Variants in RNPS1 observed in about 807,000 individuals in gnomAD.
The protein encoded by RNPS1 is RNA-binding protein with serine-rich domain 1.
For synonymous variants in RNPS1, 147 were observed against 150.0 expected, an observed-to-expected ratio of 0.98 and a Z score of 0.15; for missense variants, 300 against 427.6, an observed-to-expected ratio of 0.70 and a Z score of 2.63.
At chr16:2,266,600 G>T (rs954188439) in intron 1 of RNPS1, 3 of 985,118 alleles carry the variant, frequency 3.0e-6, no homozygotes, top group Admixed American at 1.2e-4. Flanking sequence ...GTATCTCCAC[G>T]TCCGGAGGCT....
intron 6 of RNPS1, among the ~76,000 whole-genome samples, chr16:2,259,123 C>A (rs374592887): frequency 2.7e-3 from 309 of 113,352 alleles, no homozygotes; most frequent in African/African-American, 2.6e-3. Context: ...AAAAAAGTCT[C>A]AAAAAAAAAA....
rs2093564615 is a variant in RNPS1 at position 2,254,015 on chromosome 16, G to A, written c.867C>T (p.Ser289=). The A allele has an allele frequency of 2.6e-6, 4 of 1,527,110 alleles. No individual in the cohort carries two copies. The highest frequency in any genetic ancestry group is 1.4e-5 in the African/African-American group (1 of 72,256). 94.6% of individuals were successfully genotyped at this position (1,527,110 alleles called of 1,614,324 possible). A position where few individuals can be genotyped will look rare whatever the true frequency, so the allele number is the denominator to read the frequency against. The change falls in exon 8 of 8, where the codon TCC becomes TCT. Residue 289 remains serine, a synonymous_variant. Transcript: ENST00000320225. ...GGCTCCTGTGGCGGCGGCGGCCCGG[G>A]GACCGTGATCTCCGGCGCACGGGGG... The part of the protein sequence containing the change: ...RRSPVRRRSR[S]PGRRRHRSRS...
At chr16:2,264,506 C>A (rs763073848) in intron 2 of RNPS1, 67 bp downstream of exon 2, 745 of 1,560,686 alleles carry the variant, frequency 4.8e-4, no homozygotes, top group Non-Finnish European at 6.3e-4. Flanking sequence ...TCAACTTTCC[C>A]CTTTCTGCGG....
In RNPS1 at chr16:2,255,831, T is replaced by C. The variant is rs112849314; in HGVS notation, c.677-105A>G. 2.9e-4 allele frequency: 381 copies of C among 1,300,102 alleles called. 4 individuals are homozygous for C. In the African/African-American group the frequency reaches 4.6e-3, roughly 16 times the overall value. The allele number at this position is 1,300,102 out of a possible 1,614,324, so 80.5% of individuals were successfully genotyped here. ...CTGGGGGGACAATGACAATGTAAGA[T>C]AATCACAGAAACAGGGCCGGGCATG... On this transcript the variant is annotated intron_variant, in intron 6 of 7. Coordinates refer to ENST00000320225, the MANE Select transcript of RNPS1 (RefSeq NM_080594.4).
chr16:2,262,791 A>C lies in RNPS1; in HGVS notation c.471T>G (p.Ser157=). ...CAATGTGCACTTTGGTGGGCTTAGG[A>C]GATGGGCTCCGCCTTTTCCTCTCCT... The part of the protein sequence containing the change: ...DEKERKRRSP[S]PKPTKVHIGR... The change falls in exon 5 of 8, where the codon TCT becomes TCG. Residue 157 remains serine, a synonymous_variant. Transcript: ENST00000320225. 1 of 1,613,752 alleles carries C rather than the reference A, an allele frequency of 6.2e-7. No individual in the cohort carries two copies.
chr16:2,254,161 G>C lies in RNPS1; in HGVS notation c.819-98C>G, dbSNP rs561538696. The C allele has an allele frequency of 4.5e-5, 39 of 871,762 alleles. 1 individual carries two copies. Among genetic ancestry groups the C allele is most frequent in the Middle Eastern group, 4.5e-4 (2 of 4,408 alleles). The allele number at this position is 871,762 out of a possible 1,614,324, so 54.0% of individuals were successfully genotyped here. On this transcript the variant is annotated intron_variant, in intron 7 of 7. Coordinates refer to ENST00000320225, the MANE Select transcript of RNPS1 (RefSeq NM_080594.4). ...CCCCATAGTTTTACTTTTTGAGATG[G>C]AATATCACTCTGTCTCCAGGCCAGA...
At chr16:2,259,642 C>A (rs952440529) in intron 6 of RNPS1, among the ~76,000 whole-genome samples, 1 of 152,210 alleles carries the variant, frequency 6.6e-6, no homozygotes, top group Admixed American at 6.5e-5. Flanking sequence ...GTAATCCCAG[C>A]ACTTTGGGAG....
intron 6 of RNPS1, among the ~76,000 whole-genome samples, chr16:2,261,657 A>T (rs1684129781): frequency 6.6e-6 from 1 of 152,252 alleles, no homozygotes; most frequent in South Asian, 2.1e-4. Context: ...AGGCTGGGAT[A>T]TAAGAAAAGC....
Position 2,253,619 on chromosome 16 carries a change from G to A in RNPS1, c.*345C>T, listed in dbSNP as rs999146327. The A allele has an allele frequency of 1.2e-5, 5 of 424,890 alleles. No homozygotes were observed. The highest frequency in any genetic ancestry group is 1.7e-5 in the Non-Finnish European group (4 of 229,098). 26.3% of individuals were successfully genotyped at this position (424,890 alleles called of 1,614,324 possible). ...AGGGCACGGCCTGGCCACCATCCCA[G>A]GTCATCGGGGAAGGGAAAAGTGTGC... On this transcript the variant is annotated 3_prime_UTR_variant, in exon 8 of 8. Coordinates refer to ENST00000320225, the MANE Select transcript of RNPS1 (RefSeq NM_080594.4).
At position 2,253,499 on chromosome 16, in the gene RNPS1, G is replaced by A; in HGVS notation, c.*465C>T. 3.8e-6 allele frequency: 1 copy of A among 264,024 alleles called. No individual in the cohort carries two copies. The highest frequency in any genetic ancestry group is 3.6e-5 in the South Asian group (1 of 27,956). The allele number at this position is 264,024 out of a possible 1,614,324, so 16.4% of individuals were successfully genotyped here. A position where few individuals can be genotyped will look rare whatever the true frequency, so the allele number is the denominator to read the frequency against. ...TGAGGGGGTGTGACCCTTGAGGTCA[G>A]AAGAGGCCTCGAGAGGCCAGGCCTA... On this transcript the variant is annotated 3_prime_UTR_variant, in exon 8 of 8. Coordinates refer to ENST00000320225, the MANE Select transcript of RNPS1 (RefSeq NM_080594.4).
rs1312709470 is a variant in RNPS1 at position 2,262,287 on chromosome 16, T to C, written c.667A>G (p.Met223Val). 6.2e-7 allele frequency: 1 copy of C among 1,612,852 alleles called. No individual in the cohort carries two copies. The highest frequency in any genetic ancestry group is 1.7e-5 in the Admixed American group (1 of 60,024). The stretch of plus-strand genomic sequence containing the variant: ...TGGCAGGGTCACCCACCTCCATCCA[T>C]GTGCTTCAGCGCCTTCTCGGCTTCA... ...PDEAEKALKH[M>V]DGGQIDGQEI... is the part of the protein sequence containing the mutation. Residue 223 changes from methionine (M) to valine (V), a missense_variant, in exon 6 of 8, where the codon ATG (methionine) becomes GTG (valine). Met to Val is a conservative substitution (Grantham distance 21). Transcript: ENST00000320225.
intron 1 of RNPS1, chr16:2,266,471 G>A: frequency 2.1e-6 from 2 of 952,294 alleles, no homozygotes; most frequent in Non-Finnish European, 2.5e-6. Flanking sequence ...TGTGATTTTA[G>A]ACAAGTCACT....
intron 6 of RNPS1, among the ~76,000 whole-genome samples, chr16:2,260,844 T>C (rs1474151561): frequency 3.3e-5 from 5 of 152,128 alleles, no homozygotes; most frequent in Admixed American, 1.3e-4. Context: ...CCAAAAAAAA[T>C]TGTTGGCTGG....
intron 3 of RNPS1, chr16:2,263,787 T>G (rs2141580056): frequency 3.9e-6 from 1 of 258,136 alleles, no homozygotes; most frequent in Non-Finnish European, 7.5e-6. Context: ...TAGTTTTGTT[T>G]ATTTTCCTCA....
intron 3 of RNPS1, among the ~76,000 whole-genome samples, 179 bp from the exon 4 acceptor site, chr16:2,263,466 G>A (rs914910865): frequency 6.6e-6 from 1 of 152,180 alleles, no homozygotes; most frequent in African/African-American, 2.4e-5. Context: ...CAGAGCCCTA[G>A]GTGTCACATT....
At chr16:2,255,215 C>T (rs551715315) in intron 7 of RNPS1, among the ~76,000 whole-genome samples, 3 of 152,314 alleles carry the variant, frequency 2.0e-5, no homozygotes, top group East Asian at 1.9e-4. Flanking sequence ...TGGCCTCTGC[C>T]GAGGGATTAC....
At chr16:2,258,187 T>C (rs1043375553) in intron 6 of RNPS1, 7 of 152,198 alleles carry the variant, frequency 4.6e-5, no homozygotes, top group African/African-American at 1.7e-4. Context: ...AATGCTGAAA[T>C]ACTGGGAAAC....
At chr16:2,267,343 A>T (rs962974083) in intron 1 of RNPS1, 1 of 984,842 alleles carries the variant, frequency 1.0e-6, no homozygotes, top group African/African-American at 1.7e-5. Context: ...TTTCAGGCAC[A>T]GTTCATGCGG....
At chr16:2,260,522 G>A (rs1409683978) in intron 6 of RNPS1, among the ~76,000 whole-genome samples, 1 of 152,056 alleles carries the variant, frequency 6.6e-6, no homozygotes, top group Non-Finnish European at 1.5e-5. Context: ...CCTATTTTGT[G>A]TACACAGTCC....
Sources: allele counts gnomAD v4.1 joint callset (sites outside exome capture counted in the v4.1 genomes callset), GRCh38; gene constraint gnomAD v4.1.1; transcripts MANE v1.5; gene names NCBI Gene and HGNC (gene_info 2026-07-23, HGNC 2026-07-21).